AKAP13: variants seen among roughly 807,000 people sequenced by gnomAD.
The protein encoded by AKAP13 is A-kinase anchoring protein 13.
A neutral mutation model predicts 264.5 loss-of-function variants in AKAP13; 80 were observed. That is an observed-to-expected ratio of 0.30 (90% CI 0.25 to 0.36). The LOEUF is 0.36. Ranked by LOEUF, AKAP13 falls within the 10% of genes least tolerant of loss-of-function variation. The pLI is 1.00. For synonymous variants in AKAP13, 1,380 were observed against 1,250.2 expected, an observed-to-expected ratio of 1.10 and a Z score of -2.19; for missense variants, 3,712 against 3,435.2, an observed-to-expected ratio of 1.08 and a Z score of -2.01.
chr15:85,702,833 G>A (rs535740087), intron 17 of AKAP13: 4 of 152,300 alleles, frequency 2.6e-5, no homozygotes, highest in Admixed American at 2.6e-4. Context: ...ATTATGTAAA[G>A]CTGTCCTTGA....
At chr15:85,409,076 A>G (rs2071815890) in intron 1 of AKAP13, among the ~76,000 whole-genome samples, 1 of 151,700 alleles carries the variant, frequency 6.6e-6, no homozygotes, top group Admixed American at 6.6e-5. Context: ...TCTAGTAGTT[A>G]GTGATGTGAG....
chr15:85,687,901 G>C (rs576612420), intron 16 of AKAP13, among the ~76,000 whole-genome samples: 3 of 151,974 alleles, frequency 2.0e-5, no homozygotes, highest in African/African-American at 7.2e-5. Context: ...TTAGCTGGGC[G>C]TAGTGGCACA....
chr15:85,646,470 A>G (rs1197000407), intron 10 of AKAP13, among the ~76,000 whole-genome samples: 1 of 152,210 alleles, frequency 6.6e-6, no homozygotes, highest in African/African-American at 2.4e-5. Flanking sequence ...GGCCAAAGTT[A>G]TTTAATGTGA....
chr15:85,730,523 C>A lies in AKAP13; in HGVS notation c.7098C>A (p.His2366Gln), dbSNP rs78553737. Residue 2366 changes from histidine (H) to glutamine (Q), a missense_variant, in exon 30 of 37, where the codon CAC (histidine) becomes CAA (glutamine). By Grantham distance (24) the His-to-Gln change is conservative. Around this residue, in one of 3 missense-constraint regions of AKAP13, gnomAD observed 342 missense variants for 484.3 expected, o/e 0.71. Coordinates refer to ENST00000394518, the MANE Select transcript of AKAP13 (RefSeq NM_007200.5). ...TRARELKEQL[H>Q]QKDQKILLLL... The stretch of plus-strand genomic sequence containing the variant: ...TTCTCCTTCCTGCAGAACAACTTCA[C>A]CAGAAGGACCAAAAAATCCTACTCT... 1.7e-3 allele frequency: 2,688 copies of A among 1,613,790 alleles called. 33 individuals are homozygous for A. The African/African-American group carries it at 0.028, about 17-fold the overall frequency.
chr15:85,736,912 CT>C (rs11407996), intron 33 of AKAP13, among the ~76,000 whole-genome samples: 17,572 of 97,520 alleles, frequency 0.18, 1,021 homozygotes, highest in Middle Eastern at 0.42. Flanking sequence ...ATATCATCAT[CT>C]TTTTTTTTTT....
chr15:85,676,061 A>C (rs577909779), intron 14 of AKAP13, among the ~76,000 whole-genome samples: 8 of 152,006 alleles, frequency 5.3e-5, no homozygotes, highest in African/African-American at 1.7e-4. Context: ...ACAGGTGCCC[A>C]CCACTATGCC....
chr15:85,668,506 C>G (rs1312769197), intron 13 of AKAP13, among the ~76,000 whole-genome samples: 1 of 152,188 alleles, frequency 6.6e-6, no homozygotes, highest in African/African-American at 2.4e-5. Flanking sequence ...GTTAAATTAT[C>G]AAATTTCAGT....
chr15:85,569,602 G>A (rs928095955), intron 5 of AKAP13, among the ~76,000 whole-genome samples: 1 of 151,776 alleles, frequency 6.6e-6, no homozygotes, highest in Non-Finnish European at 1.5e-5. Context: ...ACAGGTGCAC[G>A]CCACTACACC....
chr15:85,643,566 T>G (rs923541305), intron 9 of AKAP13, among the ~76,000 whole-genome samples: 2 of 152,260 alleles, frequency 1.3e-5, no homozygotes, highest in African/African-American at 4.8e-5. Flanking sequence ...TTGGAAGTTA[T>G]GTAGTCCAAC....
chr15:85,693,376 A>C lies in AKAP13; in HGVS notation c.5389A>C (p.Ile1797Leu). 6.2e-7 allele frequency: 1 copy of C among 1,614,044 alleles called. No homozygotes were observed. The part of the protein sequence containing the change: ...KTVNGHTFSS[I>L]PVVGPISCSQ... ...TGTCAACGGGCACACTTTCAGTTCC[A>C]TTCCTGTTGTGGGTCCCATCAGCTG... is the stretch of plus-strand genomic sequence containing the variant. Residue 1797 changes from isoleucine (I) to leucine (L), a missense_variant, in exon 17 of 37, where the codon ATT (isoleucine) becomes CTT (leucine). Coordinates refer to ENST00000394518, the MANE Select transcript of AKAP13 (RefSeq NM_007200.5).
chr15:85,684,634 C>T, intron 15 of AKAP13, 107 bp from the exon 16 acceptor site: 1 of 1,201,312 alleles, frequency 8.3e-7, no homozygotes, highest in Non-Finnish European at 1.1e-6. Context: ...TTGTGGCATA[C>T]TCTATAAAAA....
intron 1 of AKAP13, among the ~76,000 whole-genome samples, chr15:85,479,428 G>C (rs958082323): frequency 6.6e-6 from 1 of 152,160 alleles, no homozygotes; most frequent in African/African-American, 2.4e-5. Flanking sequence ...CCCAGTCTTA[G>C]CAGGATCCCT....
rs755333780 is a variant in AKAP13 at position 85,645,767 on chromosome 15, G to GTT, written c.4238-45_4238-44dup. 1,420 of 1,426,280 alleles carry GTT rather than the reference G, an allele frequency of 1.0e-3. 3 individuals carry two copies. Among genetic ancestry groups the GTT allele is most frequent in the Admixed American group, 1.4e-3 (54 of 37,898 alleles). The allele number at this position is 1,426,280 out of a possible 1,614,324, so 88.4% of individuals were successfully genotyped here. On this transcript the variant is annotated intron_variant, in intron 9 of 36. Coordinates refer to ENST00000394518, the MANE Select transcript of AKAP13 (RefSeq NM_007200.5). ...AGGAAGTGGTTCTTTTTGTTTTTTG[G>GTT]TTTTTTTGTTTTTTTTTTTTCAATA...
chr15:85,385,545 AC>A (rs1361710926), intron 1 of AKAP13, among the ~76,000 whole-genome samples: 1 of 151,814 alleles, frequency 6.6e-6, no homozygotes, highest in Non-Finnish European at 1.5e-5. Flanking sequence ...CCGGTTCTCT[AC>A]CCCCAGACTC....
intron 1 of AKAP13, among the ~76,000 whole-genome samples, chr15:85,394,365 G>A (rs923628140): frequency 4.6e-5 from 7 of 152,134 alleles, no homozygotes; most frequent in Non-Finnish European, 8.8e-5. Context: ...TGGAATGGTT[G>A]GGGAAAGACC....
At chr15:85,427,233 G>A (rs1328452179) in intron 1 of AKAP13, among the ~76,000 whole-genome samples, 1 of 152,148 alleles carries the variant, frequency 6.6e-6, no homozygotes, top group Non-Finnish European at 1.5e-5. Context: ...GGGATTACAA[G>A]CGTGAGCCAC....
At position 85,579,575 on chromosome 15, in the gene AKAP13, A is replaced by G. The variant is rs752632155; in HGVS notation, c.1507A>G (p.Ser503Gly). Residue 503 changes from serine to glycine, a missense_variant, in exon 7 of 37, where the codon AGT (serine) becomes GGT (glycine). Ser to Gly is a moderately conservative substitution (Grantham distance 56). Coordinates refer to ENST00000394518, the MANE Select transcript of AKAP13 (RefSeq NM_007200.5). ...VWKNVLQGGE[S>G]TKERFENSNI... ...GAAGAATGTGCTTCAGGGAGGGGAA[A>G]GTACAAAGGAAAGATTTGAGAACTC... The G allele has an allele frequency of 4.3e-6, 7 of 1,614,234 alleles. No individual in the cohort carries two copies. The Middle Eastern group carries it at 6.6e-4, about 152-fold the overall frequency.
At position 85,554,662 on chromosome 15, in the gene AKAP13, A is replaced by G. The variant is rs577507118; in HGVS notation, c.662+10707A>G. Among the ~76,000 whole-genome samples, 11 of 152,232 alleles carry G rather than the reference A, an allele frequency of 7.2e-5. No homozygotes were observed. In the South Asian group the frequency reaches 2.3e-3, roughly 32 times the overall value. ...ATTAGAATTATACCAGCCCTCTAGC[A>G]TACCACACAGTCACAATATATCAAT... On this transcript the variant is annotated intron_variant, in intron 5 of 36. Coordinates refer to ENST00000394518, the MANE Select transcript of AKAP13 (RefSeq NM_007200.5).
intron 2 of AKAP13, among the ~76,000 whole-genome samples, chr15:85,498,218 ATATATATATC>A (rs1392395172): frequency 1.1e-5 from 1 of 94,146 alleles, no homozygotes. Flanking sequence ...ATATATATAT[ATATATATATC>A]ACATTGAGCG....
Sources: allele counts gnomAD v4.1 joint callset (sites outside exome capture counted in the v4.1 genomes callset), GRCh38; gene constraint gnomAD v4.1.1; regional missense constraint gnomAD v4.1.1; transcripts MANE v1.5; gene names NCBI Gene and HGNC (gene_info 2026-07-23, HGNC 2026-07-21).